Variants in MDGA2 observed in about 807,000 individuals in gnomAD.
The protein encoded by MDGA2 is MAM domain containing glycosylphosphatidylinositol anchor 2.
In MDGA2, 40 loss-of-function variants were observed where a neutral mutation model predicts 117.8. That is an observed-to-expected ratio of 0.34 (90% CI 0.26 to 0.44). MDGA2 has a LOEUF of 0.44. Among genes scored for constraint, MDGA2 ranks in the 20% least tolerant of loss-of-function variants. MDGA2 has a pLI of 1.00. For missense variants in MDGA2, 1,123 were observed against 1,250.6 expected (o/e 0.90, Z 1.54); for synonymous variants, 452 against 439.0 (o/e 1.03, Z -0.37).
chr14:47,429,094 G>A (rs543795680), intron 1 of MDGA2, among the ~76,000 whole-genome samples: 4 of 151,782 alleles, frequency 2.6e-5, no homozygotes, highest in Admixed American at 2.6e-4. Flanking sequence ...GCGTAGTGGC[G>A]GGTGCCTGTA....
chr14:47,519,071 G>T (rs1894814960), intron 1 of MDGA2, among the ~76,000 whole-genome samples: 1 of 152,030 alleles, frequency 6.6e-6, no homozygotes, highest in Non-Finnish European at 1.5e-5. Context: ...AGGAGTGGTG[G>T]TGGGTGCCTG....
chr14:46,989,248 C>T (rs1234719707), intron 8 of MDGA2, among the ~76,000 whole-genome samples: 1 of 151,370 alleles, frequency 6.6e-6, no homozygotes, highest in Non-Finnish European at 1.5e-5. Context: ...TTTATATGGG[C>T]TAGGAATACT....
Position 47,064,100 on chromosome 14 carries a change from G to A in MDGA2, c.1196-2522C>T, listed in dbSNP as rs1009971821. 2.6e-5 allele frequency among the ~76,000 whole-genome samples: 4 copies of A among 151,964 alleles called. No homozygotes were observed. The South Asian group carries it at 8.3e-4, about 32-fold the overall frequency. ...TAAAACCCAAAGAAAAAATATTAGA[G>A]ATTATAAACCCATAATCAATTAATA... On this transcript the variant is annotated intron_variant, in intron 6 of 16. Coordinates refer to ENST00000399232, the MANE Select transcript of MDGA2 (RefSeq NM_001113498.3).
chr14:47,024,288 A>AT, intron 8 of MDGA2, among the ~76,000 whole-genome samples: 1 of 152,210 alleles, frequency 6.6e-6, no homozygotes, highest in South Asian at 2.1e-4. Context: ...TAACTGAGCT[A>AT]TAAAGCACTA....
intron 7 of MDGA2, among the ~76,000 whole-genome samples, chr14:47,055,454 T>C (rs1268965935): frequency 6.6e-6 from 1 of 152,122 alleles, no homozygotes; most frequent in Non-Finnish European, 1.5e-5. Flanking sequence ...GAACTCTTGC[T>C]GACTAGATTC....
chr14:47,675,446 G>A lies in MDGA2; in HGVS notation c.-650C>T, dbSNP rs1025661393. Among the ~76,000 whole-genome samples the A allele has an allele frequency of 6.6e-6, 1 of 152,038 alleles. No homozygotes were observed. The highest frequency in any genetic ancestry group is 2.4e-5 in the African/African-American group (1 of 41,416). On this transcript the variant is annotated 5_prime_UTR_variant, in exon 1 of 17. In the 5' UTR this introduces an upstream ATG that the reference lacks. Transcript: ENST00000399232. Reference sequence around the variant, plus strand: ...GGGTCCAACAGGGAGCGGAGTGTGCGTCTGGAGCTCGCTTGGGCACACCAG... The same window carrying A: ...GGGTCCAACAGGGAGCGGAGTGTGCATCTGGAGCTCGCTTGGGCACACCAG...
chr14:47,599,490 G>C (rs1289332768), intron 1 of MDGA2, among the ~76,000 whole-genome samples: 2 of 152,188 alleles, frequency 1.3e-5, no homozygotes, highest in South Asian at 2.1e-4. Context: ...CACTTGCTTA[G>C]AATAAGGAGT....
intron 12 of MDGA2, among the ~76,000 whole-genome samples, chr14:46,877,169 A>C (rs1228014534): frequency 4.6e-5 from 7 of 151,638 alleles, no homozygotes; most frequent in Non-Finnish European, 7.4e-5. Flanking sequence ...AACAACGATA[A>C]AAATGATATG....
chr14:47,122,320 G>C (rs1274254779), intron 5 of MDGA2, among the ~76,000 whole-genome samples: 1 of 151,934 alleles, frequency 6.6e-6, no homozygotes, highest in Non-Finnish European at 1.5e-5. Flanking sequence ...GGCTCCATAT[G>C]CACCAACATT....
At chr14:47,092,569 G>C (rs1228681680) in intron 6 of MDGA2, among the ~76,000 whole-genome samples, 1 of 152,110 alleles carries the variant, frequency 6.6e-6, no homozygotes, top group Non-Finnish European at 1.5e-5. Flanking sequence ...AGGAGAACCT[G>C]TCTGTTTCAT....
At chr14:47,629,127 T>C (rs964086056) in intron 1 of MDGA2, among the ~76,000 whole-genome samples, 3 of 152,188 alleles carry the variant, frequency 2.0e-5, no homozygotes, top group African/African-American at 7.2e-5. Context: ...AGGGTATCTC[T>C]TCCCATTGGT....
intron 1 of MDGA2, among the ~76,000 whole-genome samples, chr14:47,439,943 T>A (rs1280502113): frequency 6.6e-6 from 1 of 152,108 alleles, no homozygotes; most frequent in Non-Finnish European, 1.5e-5. Flanking sequence ...AGCCTTTTTT[T>A]CTTTTTTTTG....
intron 1 of MDGA2, among the ~76,000 whole-genome samples, chr14:47,337,308 G>C (rs914226180): frequency 3.3e-5 from 5 of 152,066 alleles, no homozygotes; most frequent in African/African-American, 1.2e-4. Context: ...CAGCACAGCT[G>C]CAAGAGGTGA....
intron 8 of MDGA2, among the ~76,000 whole-genome samples, chr14:46,960,776 C>T (rs1885767694): frequency 6.8e-6 from 1 of 146,644 alleles, no homozygotes; most frequent in South Asian, 2.1e-4. Flanking sequence ...AATTTGTGTA[C>T]ATATTATACA....
Position 47,574,402 on chromosome 14 carries a change from T to C in MDGA2, c.280+100115A>G, listed in dbSNP as rs17118946. Among the ~76,000 whole-genome samples the C allele has an allele frequency of 7.8e-3, 1,195 of 152,306 alleles. 19 individuals carry two copies. Among genetic ancestry groups the C allele is most frequent in the African/African-American group, 0.027 (1,134 of 41,572 alleles). ...TTGGCCCAGCAACGGAACTTTCATA[T>C]GCTTTGTCCCTGGCTTCCCTTATAT... On this transcript the variant is annotated intron_variant, in intron 1 of 16. Coordinates refer to ENST00000399232, the MANE Select transcript of MDGA2 (RefSeq NM_001113498.3).
At chr14:47,019,455 A>G (rs932519816) in intron 8 of MDGA2, among the ~76,000 whole-genome samples, 1 of 152,118 alleles carries the variant, frequency 6.6e-6, no homozygotes, top group African/African-American at 2.4e-5. Flanking sequence ...TTTGACATTA[A>G]AAGTAATGGC....
chr14:47,200,458 GAC>G (rs1885452022), intron 3 of MDGA2: 1 of 469,608 alleles, frequency 2.1e-6, no homozygotes, highest in Admixed American at 3.8e-5. Flanking sequence ...ATCAATATAT[GAC>G]ATTAGTTTTT....
intron 1 of MDGA2, among the ~76,000 whole-genome samples, chr14:47,443,254 A>C (rs1285259921): frequency 1.3e-5 from 2 of 152,124 alleles, no homozygotes; most frequent in African/African-American, 2.4e-5. Flanking sequence ...TTATGTCCAG[A>C]GTGCATGATA....
At chr14:47,122,342 T>G (rs978432772) in intron 5 of MDGA2, among the ~76,000 whole-genome samples, 14 of 152,132 alleles carry the variant, frequency 9.2e-5, no homozygotes, top group African/African-American at 3.4e-4. Context: ...ATAATTGACA[T>G]TAAGACTTGA....
Sources: allele counts gnomAD v4.1 joint callset (sites outside exome capture counted in the v4.1 genomes callset), GRCh38; gene constraint gnomAD v4.1.1; transcripts MANE v1.5; gene names NCBI Gene and HGNC (gene_info 2026-07-23, HGNC 2026-07-21).